GRIK1: variants seen among roughly 807,000 people sequenced by gnomAD.
GRIK1 encodes glutamate receptor ionotropic, kainate 1.
In GRIK1, 69 loss-of-function variants were observed where a neutral mutation model predicts 105.7. That is an observed-to-expected ratio of 0.65 (90% confidence interval 0.54 to 0.80). The LOEUF (loss-of-function observed/expected upper bound fraction) is 0.80. GRIK1 is among the 30% of genes least tolerant of loss of function. The probability of loss-of-function intolerance (pLI) is 0.00; values close to 1 mark genes in which losing one functional copy is unlikely to be tolerated. For missense variants in GRIK1, 1,109 were observed against 1,167.3 expected (o/e 0.95, Z 0.73); for synonymous variants, 438 against 431.3 (o/e 1.02, Z -0.19).
intron 1 of GRIK1, among the ~76,000 whole-genome samples, chr21:29,871,537 G>A (rs2069011543): frequency 6.6e-6 from 1 of 152,108 alleles, no homozygotes. Flanking sequence ...GGAACAGAAA[G>A]ATCTGGTCTC....
intron 1 of GRIK1, among the ~76,000 whole-genome samples, chr21:29,738,247 T>G (rs8128097): frequency 0.08 from 12,124 of 152,278 alleles, 951 homozygotes; most frequent in African/African-American, 0.19. Flanking sequence ...TCTGTTTGTG[T>G]GGGGTGTGTA....
At chr21:29,828,003 G>C (rs441566) in intron 1 of GRIK1, among the ~76,000 whole-genome samples, 1,935 of 56,520 alleles carry the variant, frequency 0.034, 42 homozygotes, top group African/African-American at 0.076. Flanking sequence ...CTCTCTCTCT[G>C]TCTCTCTCTG....
chr21:29,866,588 T>A (rs889900883), intron 1 of GRIK1, among the ~76,000 whole-genome samples: 1 of 152,094 alleles, frequency 6.6e-6, no homozygotes, highest in Non-Finnish European at 1.5e-5. Flanking sequence ...TAGTGGTGGG[T>A]AAAGATGGGG....
intron 1 of GRIK1, among the ~76,000 whole-genome samples, chr21:29,927,203 AAGAC>A (rs1474849942): frequency 1.3e-5 from 2 of 152,078 alleles, no homozygotes; most frequent in African/African-American, 2.4e-5. Context: ...GAATAGGTAA[AAGAC>A]AGAGAAAAAT....
At chr21:29,924,334 CAA>C (rs1226055845) in intron 1 of GRIK1, among the ~76,000 whole-genome samples, 24 of 79,786 alleles carry the variant, frequency 3.0e-4, no homozygotes, top group Non-Finnish European at 2.4e-4. Flanking sequence ...GAGACTGGCT[CAA>C]AAAAAAAAAA....
At chr21:29,656,179 G>C (rs1377858322) in intron 4 of GRIK1, among the ~76,000 whole-genome samples, 1 of 151,150 alleles carries the variant, frequency 6.6e-6, no homozygotes, top group African/African-American at 2.4e-5. Flanking sequence ...TGGTTAACAC[G>C]GTGAAACCCC....
chr21:29,616,060 G>C (rs2061843534), intron 7 of GRIK1, among the ~76,000 whole-genome samples: 1 of 152,138 alleles, frequency 6.6e-6, no homozygotes, highest in Non-Finnish European at 1.5e-5. Flanking sequence ...ACAGCCTTGG[G>C]AACCCATCCT....
At chr21:29,814,525 C>A (rs948899428) in intron 1 of GRIK1, among the ~76,000 whole-genome samples, 1 of 151,984 alleles carries the variant, frequency 6.6e-6, no homozygotes, top group African/African-American at 2.4e-5. Context: ...TCACAGGATG[C>A]CCAAAGTTCA....
intron 1 of GRIK1, among the ~76,000 whole-genome samples, chr21:29,921,767 C>T (rs905809652): frequency 2.6e-5 from 4 of 152,066 alleles, no homozygotes; most frequent in Non-Finnish European, 5.9e-5. Flanking sequence ...TACAAATTAA[C>T]GTACGCTAAA....
intron 1 of GRIK1, among the ~76,000 whole-genome samples, chr21:29,826,306 T>A (rs2067455139): frequency 6.6e-6 from 1 of 152,132 alleles, no homozygotes; most frequent in South Asian, 2.1e-4. Flanking sequence ...GTATGAGGGT[T>A]ACTTTTATGT....
intron 14 of GRIK1, among the ~76,000 whole-genome samples, chr21:29,563,712 A>G (rs1297889124): frequency 6.6e-6 from 1 of 152,228 alleles, no homozygotes; most frequent in Non-Finnish European, 1.5e-5. Flanking sequence ...TTCTTCCATC[A>G]GGAAACTACC....
At chr21:29,538,951 A>G (rs895761700) in intron 16 of GRIK1, among the ~76,000 whole-genome samples, 1 of 152,182 alleles carries the variant, frequency 6.6e-6, no homozygotes, top group Admixed American at 6.5e-5. Flanking sequence ...CTATTGGCCT[A>G]TCAGATGTAT....
intron 1 of GRIK1, among the ~76,000 whole-genome samples, chr21:29,800,223 G>A (rs2145851828): frequency 6.6e-6 from 1 of 152,230 alleles, no homozygotes; most frequent in South Asian, 2.1e-4. Context: ...CCCTTTAGCT[G>A]CTCCCTCTAG....
intron 5 of GRIK1, among the ~76,000 whole-genome samples, chr21:29,651,832 T>C (rs1191509794): frequency 6.6e-6 from 1 of 151,684 alleles, no homozygotes; most frequent in Non-Finnish European, 1.5e-5. Flanking sequence ...TCTCAGAACA[T>C]ATACCCATTG....
intron 1 of GRIK1, among the ~76,000 whole-genome samples, chr21:29,770,285 C>T (rs1365609899): frequency 6.6e-6 from 1 of 152,210 alleles, no homozygotes; most frequent in African/African-American, 2.4e-5. Context: ...CCTGAAGGCC[C>T]TATATGTTAG....
chr21:29,860,631 T>C (rs1392634115), intron 1 of GRIK1, among the ~76,000 whole-genome samples: 6 of 152,252 alleles, frequency 3.9e-5, no homozygotes, highest in Admixed American at 3.3e-4. Flanking sequence ...CCTTTGGCAA[T>C]GTGGTTGCTT....
At chr21:29,684,560 T>C (rs1248204902) in intron 3 of GRIK1, among the ~76,000 whole-genome samples, 1 of 151,998 alleles carries the variant, frequency 6.6e-6, no homozygotes, top group African/African-American at 2.4e-5. Context: ...CAGGCTGGAG[T>C]GCAGTGGTGC....
chr21:29,820,407 G>T (rs2067269751), intron 1 of GRIK1, among the ~76,000 whole-genome samples: 1 of 151,996 alleles, frequency 6.6e-6, no homozygotes, highest in South Asian at 2.1e-4. Flanking sequence ...TGATAATGAA[G>T]AATGAATGGA....
At chr21:29,599,822 C>CG (rs1418540342) in intron 7 of GRIK1, among the ~76,000 whole-genome samples, 2 of 151,240 alleles carry the variant, frequency 1.3e-5, no homozygotes, top group African/African-American at 4.9e-5. Flanking sequence ...CAAAAAGGGT[C>CG]GGGCGCAGTG....
Sources: allele counts gnomAD v4.1 joint callset (sites outside exome capture counted in the v4.1 genomes callset), GRCh38; gene constraint gnomAD v4.1.1; transcripts MANE v1.5; gene names NCBI Gene and HGNC (gene_info 2026-07-23, HGNC 2026-07-21).